SNX24: variants seen among roughly 807,000 people sequenced by gnomAD.
SNX24 encodes sorting nexin-24.
SNX24 carries 22 observed loss-of-function variants against 28.7 expected under a neutral mutation model. That is an observed-to-expected ratio of 0.77 (90% confidence interval 0.55 to 1.10). The LOEUF (loss-of-function observed/expected upper bound fraction) is 1.10. SNX24 is among the 50% of genes least tolerant of loss of function. The probability of loss-of-function intolerance (pLI) is 0.00; values close to 1 mark genes in which losing one functional copy is unlikely to be tolerated. For missense variants in SNX24, 221 were observed against 201.1 expected, an observed-to-expected ratio of 1.10 and a Z score of -0.60; for synonymous variants, 69 against 71.5, an observed-to-expected ratio of 0.96 and a Z score of 0.18.
intron 1 of SNX24, among the ~76,000 whole-genome samples, chr5:122,915,173 C>G (rs1438824105): frequency 1.3e-5 from 2 of 152,132 alleles, no homozygotes; most frequent in African/African-American, 4.8e-5. Flanking sequence ...GACTCTACCA[C>G]CTAATCATCT....
intron 1 of SNX24, among the ~76,000 whole-genome samples, chr5:122,926,054 A>G (rs979580659): frequency 6.6e-6 from 1 of 150,540 alleles, no homozygotes; most frequent in South Asian, 2.1e-4. Flanking sequence ...ACCATGGTAA[A>G]TGCACAGAAG....
At chr5:123,007,659 C>CTTTTTTTTTTTTTTTTTTTTTTTTTTTTT in intron 6 of SNX24, 23 bp from the exon 7 acceptor site, 1 of 1,153,144 alleles carries the variant, frequency 8.7e-7, no homozygotes, top group Non-Finnish European at 1.2e-6. Context: ...TTTTTTTTTT[C>CTTTTTTTTTTTTTTTTTTTTTTTTTTTTT]TTTTTTTTTT....
In SNX24 at chr5:122,923,943, G is replaced by T. The variant is rs528626876; in HGVS notation, c.61-12791G>T. Reference sequence around the variant, plus strand: ...GTTTTTTGATCTTTTGAATTACATAGGTTTTTAATGAGAATGTGGTATTTT... The same window carrying T: ...GTTTTTTGATCTTTTGAATTACATATGTTTTTAATGAGAATGTGGTATTTT... On this transcript the variant is annotated intron_variant, in intron 1 of 6. Transcript: ENST00000261369. Among the ~76,000 whole-genome samples, 3 of 152,338 alleles carry T rather than the reference G, an allele frequency of 2.0e-5. No homozygotes were observed. The South Asian group carries it at 6.2e-4, about 32-fold the overall frequency.
At chr5:122,986,449 G>GA (rs1232277508) in intron 3 of SNX24, among the ~76,000 whole-genome samples, 3 of 152,162 alleles carry the variant, frequency 2.0e-5, no homozygotes, top group Non-Finnish European at 4.4e-5. Context: ...AGGAGAGTGA[G>GA]AATGTGATCT....
At chr5:122,883,901 C>T (rs1454629847) in intron 1 of SNX24, among the ~76,000 whole-genome samples, 1 of 152,202 alleles carries the variant, frequency 6.6e-6, no homozygotes, top group Non-Finnish European at 1.5e-5. Flanking sequence ...GCAATCCTCT[C>T]ACCTTAGTCT....
chr5:122,861,237 G>A (rs758978630), intron 1 of SNX24, among the ~76,000 whole-genome samples: 1 of 152,114 alleles, frequency 6.6e-6, no homozygotes, highest in African/African-American at 2.4e-5. Context: ...CTACTTGGGA[G>A]GCTGAGGCAC....
At chr5:122,937,766 A>G (rs562003463) in intron 2 of SNX24, among the ~76,000 whole-genome samples, 4 of 152,270 alleles carry the variant, frequency 2.6e-5, no homozygotes, top group South Asian at 2.1e-4. Context: ...CTTGGAAAAT[A>G]AACAGTACAG....
intron 3 of SNX24, among the ~76,000 whole-genome samples, chr5:122,972,785 G>C (rs182985185): frequency 6.6e-6 from 1 of 152,300 alleles, no homozygotes; most frequent in Admixed American, 6.5e-5. Flanking sequence ...TGATGGAAGA[G>C]GTCCAGTATA....
intron 1 of SNX24, among the ~76,000 whole-genome samples, chr5:122,849,676 A>G (rs1302246250): frequency 6.6e-6 from 1 of 152,092 alleles, no homozygotes; most frequent in Non-Finnish European, 1.5e-5. Context: ...GATGCACCCA[A>G]ATGTTACTTC....
chr5:122,890,210 T>C lies in SNX24; in HGVS notation c.60+44517T>C, dbSNP rs187821740. 2.1e-3 allele frequency among the ~76,000 whole-genome samples: 325 copies of C among 152,246 alleles called. 3 individuals are homozygous for C. In the Middle Eastern group the frequency reaches 0.027, roughly 13 times the overall value. On this transcript the variant is annotated intron_variant, in intron 1 of 6. Coordinates refer to ENST00000261369, the MANE Select transcript of SNX24 (RefSeq NM_014035.4). ...GTATCTGTCTGCCCCCGACTAATAA[T>C]GCTAATTTTGACCACTGGTTAGGTT...
intron 1 of SNX24, among the ~76,000 whole-genome samples, chr5:122,868,358 G>C (rs780941294): frequency 6.6e-6 from 1 of 152,178 alleles, no homozygotes; most frequent in Non-Finnish European, 1.5e-5. Flanking sequence ...AGGTCACATG[G>C]TAACTTGGTG....
In SNX24 at chr5:122,852,076, G is replaced by A. The variant is rs376180295; in HGVS notation, c.60+6383G>A. ...GGTACTGTAGTGCTATTTTATATAT[G>A]TGTGTGTGTATAAATATATACACAC... On this transcript the variant is annotated intron_variant, in intron 1 of 6. Coordinates refer to ENST00000261369, the MANE Select transcript of SNX24 (RefSeq NM_014035.4). 4.0e-5 allele frequency among the ~76,000 whole-genome samples: 6 copies of A among 150,766 alleles called. No individual in the cohort carries two copies. The East Asian group carries it at 5.8e-4, about 15-fold the overall frequency.
At chr5:122,980,351 T>A (rs1383658259) in intron 3 of SNX24, among the ~76,000 whole-genome samples, 1 of 152,170 alleles carries the variant, frequency 6.6e-6, no homozygotes, top group Non-Finnish European at 1.5e-5. Flanking sequence ...CTGTTATTCC[T>A]TATAATGGAA....
At chr5:123,028,521 C>T (rs1253379219) in intron 5 of SNX24, 2 of 385,250 alleles carry the variant, frequency 5.2e-6, no homozygotes, top group African/African-American at 4.2e-5. Context: ...ATTTTAATAA[C>T]TGCAAAATGA....
At chr5:122,929,269 T>C (rs1390867231) in intron 1 of SNX24, among the ~76,000 whole-genome samples, 1 of 152,160 alleles carries the variant, frequency 6.6e-6, no homozygotes, top group African/African-American at 2.4e-5. Flanking sequence ...CCCACAGTGC[T>C]TGTCCCTCCT....
chr5:122,996,963 C>T lies in SNX24; in HGVS notation c.250-2949C>T, dbSNP rs1762072511. Among the ~76,000 whole-genome samples the T allele has an allele frequency of 2.6e-5, 4 of 152,250 alleles. No homozygotes were observed. In the South Asian group the frequency reaches 8.3e-4, roughly 32 times the overall value. Reference sequence around the variant, plus strand: ...CAGCTTCAAGAAGGGGTGGTTCCTTCAGAGCAAAAGCCTTTCAAGAAACTG... The same window carrying T: ...CAGCTTCAAGAAGGGGTGGTTCCTTTAGAGCAAAAGCCTTTCAAGAAACTG... On this transcript the variant is annotated intron_variant, in intron 3 of 6. Transcript: ENST00000261369.
Position 122,978,746 on chromosome 5 carries a change from T to G in SNX24, c.250-21166T>G, listed in dbSNP as rs568265422. Among the ~76,000 whole-genome samples, 5 of 152,282 alleles carry G rather than the reference T, an allele frequency of 3.3e-5. No individual in the cohort carries two copies. The East Asian group carries it at 7.7e-4, about 23-fold the overall frequency. Reference sequence around the variant, plus strand: ...GTGCACAAGAAATTCCCACAGCAGTTTGTTTTTAGAAGAAAAACTGAGTTC... The same window carrying G: ...GTGCACAAGAAATTCCCACAGCAGTGTGTTTTTAGAAGAAAAACTGAGTTC... On this transcript the variant is annotated intron_variant, in intron 3 of 6. Coordinates refer to ENST00000261369, the MANE Select transcript of SNX24 (RefSeq NM_014035.4).
At chr5:122,955,524 C>A (rs1363891640) in intron 3 of SNX24, among the ~76,000 whole-genome samples, 2 of 152,138 alleles carry the variant, frequency 1.3e-5, no homozygotes, top group Admixed American at 1.3e-4. Context: ...TTTTAGCTGA[C>A]TTTCTCTAAC....
intron 1 of SNX24, among the ~76,000 whole-genome samples, chr5:122,861,093 A>G (rs980668800): frequency 6.6e-6 from 1 of 151,900 alleles, no homozygotes; most frequent in African/African-American, 2.4e-5. Flanking sequence ...TAATCCCAGC[A>G]CTTTGGGAGG....
Sources: gnomAD v4.1 joint callset for allele counts (sites outside exome capture counted in the v4.1 genomes callset) on GRCh38, gnomAD v4.1.1 for gene constraint, MANE v1.5 for transcripts, NCBI Gene and HGNC (gene_info 2026-07-23, HGNC 2026-07-21) for gene names.